IGSF11: variants seen among roughly 807,000 people sequenced by gnomAD.
IGSF11 encodes the protein immunoglobulin superfamily member 11.
IGSF11 carries 22 observed loss-of-function variants against 41.0 expected under a neutral mutation model. The observed-to-expected ratio is 0.54, with a 90% CI of 0.38 to 0.77. The LOEUF is 0.77. IGSF11 is among the 30% of genes least tolerant of loss of function. The pLI is 0.00. For missense variants in IGSF11, 444 were observed against 530.8 expected (o/e 0.84, Z 1.61); for synonymous variants, 219 against 201.3 (o/e 1.09, Z -0.74).
chr3:119,059,302 T>A (rs1941977076), intron 1 of IGSF11, among the ~76,000 whole-genome samples: 1 of 152,040 alleles, frequency 6.6e-6, no homozygotes, highest in Admixed American at 6.6e-5. Context: ...CTATGTGAAG[T>A]AACTGAGGAA....
Position 119,034,607 on chromosome 3 carries a change from G to GC in IGSF11, c.-26dup. The stretch of plus-strand genomic sequence containing the variant: ...TCCCGGGGCCGCAGGGAGCGCGCCT[G>GC]CCTCCTACCCGGCTCCCGGTCGCAA... On this transcript the variant is annotated 5_prime_UTR_variant, in exon 1 of 7. Transcript: ENST00000393775. The GC allele has an allele frequency of 6.3e-7, 1 of 1,575,896 alleles. No homozygotes were observed. Among genetic ancestry groups the GC allele is most frequent in the Non-Finnish European group, 8.6e-7 (1 of 1,162,698 alleles).
chr3:119,081,305 C>T (rs1243912457), intron 1 of IGSF11, among the ~76,000 whole-genome samples: 3 of 151,824 alleles, frequency 2.0e-5, no homozygotes, highest in Admixed American at 6.6e-5. Flanking sequence ...TAATCTTATC[C>T]TTTACTTCTT....
Position 118,902,852 on chromosome 3 carries a change from A to G in IGSF11, c.964T>C (p.Trp322Arg). 1.2e-6 allele frequency: 2 copies of G among 1,614,206 alleles called. No individual in the cohort carries two copies. Among genetic ancestry groups the G allele is most frequent in the Non-Finnish European group, 1.7e-6 (2 of 1,180,022 alleles). Residue 322 changes from tryptophan (W) to arginine (R), a missense_variant, in exon 7 of 7, where the codon TGG (tryptophan) becomes CGG (arginine). Trp to Arg is a moderately radical substitution (Grantham distance 101, BLOSUM62 -3). Around this residue, in one of 3 missense-constraint regions of IGSF11, gnomAD observed 223 missense variants for 226.2 expected, o/e 0.99. Coordinates refer to ENST00000393775, the MANE Select transcript of IGSF11 (RefSeq NM_001015887.3). ...CTATGAACTTTTGGATTGTTGCTCC[A>G]GTATCGACTGTTGTAGGCATTGGAA... ...TSSNAYNSRY[W>R]SNNPKVHRNT...
intron 1 of IGSF11, among the ~76,000 whole-genome samples, chr3:119,074,220 A>T (rs1327566573): frequency 3.3e-5 from 5 of 152,190 alleles, no homozygotes; most frequent in Non-Finnish European, 7.4e-5. Context: ...ATACATTCTC[A>T]TCTGCATATG....
intron 6 of IGSF11, 47 bp from the exon 7 acceptor site, chr3:118,903,008 A>G (rs1197691630): frequency 6.5e-7 from 1 of 1,533,434 alleles, no homozygotes; most frequent in South Asian, 1.2e-5. Flanking sequence ...CTTCAAGTTA[A>G]TCCTATCCTC....
At chr3:118,920,701 G>T (rs1366883634) in intron 4 of IGSF11, among the ~76,000 whole-genome samples, 2 of 152,112 alleles carry the variant, frequency 1.3e-5, no homozygotes, top group East Asian at 3.9e-4. Context: ...AAGAAAATTG[G>T]CATAATTATA....
chr3:118,975,504 C>T (rs1933985535), intron 1 of IGSF11, among the ~76,000 whole-genome samples: 1 of 152,084 alleles, frequency 6.6e-6, no homozygotes, highest in South Asian at 2.1e-4. Context: ...TTAATTTGAG[C>T]CTAAAAGTCT....
At chr3:118,906,832 A>G (rs1349969388) in intron 4 of IGSF11, among the ~76,000 whole-genome samples, 1 of 152,192 alleles carries the variant, frequency 6.6e-6, no homozygotes, top group Non-Finnish European at 1.5e-5. Flanking sequence ...TTCAATCTTT[A>G]CAATTACCCT....
intron 1 of IGSF11, among the ~76,000 whole-genome samples, chr3:119,118,470 C>A (rs1280220250): frequency 6.6e-6 from 1 of 152,180 alleles, no homozygotes; most frequent in Non-Finnish European, 1.5e-5. Flanking sequence ...GGCACCAAGT[C>A]CCTAGGCTGC....
intron 1 of IGSF11, among the ~76,000 whole-genome samples, chr3:119,033,824 T>G (rs1940647730): frequency 6.6e-6 from 1 of 152,200 alleles, no homozygotes; most frequent in African/African-American, 2.4e-5. Flanking sequence ...ATGATGGCTA[T>G]TCACCGAAAA....
At chr3:119,118,387 A>G (rs2077288046) in intron 1 of IGSF11, among the ~76,000 whole-genome samples, 1 of 152,206 alleles carries the variant, frequency 6.6e-6, no homozygotes, top group Non-Finnish European at 1.5e-5. Context: ...GCTTGAGGCT[A>G]GCATCCTCTG....
chr3:119,024,816 C>T (rs1939658693), intron 1 of IGSF11, among the ~76,000 whole-genome samples: 1 of 151,952 alleles, frequency 6.6e-6, no homozygotes, highest in African/African-American at 2.4e-5. Context: ...CAGAGAAAAG[C>T]AGAGAAAGAT....
At chr3:119,039,369 T>C (rs1941031756), upstream of IGSF11, among the ~76,000 whole-genome samples, 1 of 152,194 alleles carries the variant, frequency 6.6e-6, no homozygotes, top group Non-Finnish European at 1.5e-5. Context: ...CCCCTTCTTC[T>C]ATCTTCAAAT....
intron 1 of IGSF11, among the ~76,000 whole-genome samples, chr3:119,007,326 G>A (rs567463755): frequency 0.012 from 1,677 of 139,632 alleles, 54 homozygotes; most frequent in African/African-American, 0.044. Flanking sequence ...TTCGGCTCGC[G>A]CACGGTGCGC....
chr3:118,919,596 A>T (rs1389151501), intron 4 of IGSF11, among the ~76,000 whole-genome samples: 1 of 33,880 alleles, frequency 3.0e-5, no homozygotes, highest in Non-Finnish European at 5.5e-5. Flanking sequence ...CAATCATTAA[A>T]AAGTCAGGAA....
At chr3:119,045,268 C>T (rs1318680406) in intron 1 of IGSF11, among the ~76,000 whole-genome samples, 11 of 152,306 alleles carry the variant, frequency 7.2e-5, no homozygotes, top group East Asian at 5.8e-4. Context: ...AGACAGTGGG[C>T]GCAGGTCAGT....
At chr3:119,051,098 T>A (rs1285545568) in intron 1 of IGSF11, among the ~76,000 whole-genome samples, 1 of 151,618 alleles carries the variant, frequency 6.6e-6, no homozygotes, top group East Asian at 1.9e-4. Context: ...TATACATATG[T>A]AACTAACGTG....
intron 1 of IGSF11, among the ~76,000 whole-genome samples, chr3:119,023,917 G>T (rs1187801735): frequency 6.6e-6 from 1 of 152,156 alleles, no homozygotes; most frequent in Non-Finnish European, 1.5e-5. Flanking sequence ...AAGCAGATTT[G>T]ATTTATTTTA....
intron 1 of IGSF11, among the ~76,000 whole-genome samples, chr3:119,120,645 C>T (rs1341873977): frequency 6.6e-6 from 1 of 152,122 alleles, no homozygotes; most frequent in African/African-American, 2.4e-5. Context: ...AAAGATTGGC[C>T]TCCCACCCTA....
Sources: allele counts gnomAD v4.1 joint callset (sites outside exome capture counted in the v4.1 genomes callset), GRCh38; gene constraint gnomAD v4.1.1; regional missense constraint gnomAD v4.1.1; transcripts MANE v1.5; gene names NCBI Gene and HGNC (gene_info 2026-07-23, HGNC 2026-07-21).